Variants in ASB18 observed in about 807,000 individuals in gnomAD.
ASB18 encodes the protein ankyrin repeat and SOCS box protein 18.
ASB18 carries 33 observed loss-of-function variants against 33.4 expected under a neutral mutation model. The ratio of observed to expected loss-of-function variants is 0.99; its 90% CI spans 0.75 to 1.32. The LOEUF (loss-of-function observed/expected upper bound fraction) is 1.32, where lower values mean the gene tolerates loss of function less well. ASB18 is among the 40% of genes most tolerant of loss of function. ASB18 has a pLI of 0.00. For synonymous variants in ASB18, 295 were observed against 307.6 expected, an observed-to-expected ratio of 0.96 and a Z score of 0.43; for missense variants, 694 against 655.5, an observed-to-expected ratio of 1.06 and a Z score of -0.64.
rs2060600554 is a variant in ASB18, at chr2:236,237,602, G to T, written c.596+87C>A. 8.7e-7 allele frequency: 1 copy of T among 1,146,816 alleles called. No individual in the cohort carries two copies. The highest frequency in any genetic ancestry group is 1.6e-5 in the African/African-American group (1 of 60,716). The allele number at this position is 1,146,816 out of a possible 1,614,324, so 71.0% of individuals were successfully genotyped here. On this transcript the variant is annotated intron_variant, in intron 3 of 5. Coordinates refer to ENST00000409749, the MANE Select transcript of ASB18 (RefSeq NM_212556.4). This position sits in a 1 kb window ranked among gnomAD's most constrained non-coding sequence, Gnocchi z 6.2. ...GGAGGCGGGGGCTGGGACGGAGGCGGAGGCGGGGTCGGCGGTCTCGTGGGG... is the reference window on the plus strand; with the variant it reads ...GGAGGCGGGGGCTGGGACGGAGGCGTAGGCGGGGTCGGCGGTCTCGTGGGG...
At chr2:236,261,974 C>A (rs1186380036) in intron 1 of ASB18, among the ~76,000 whole-genome samples, 1 of 152,148 alleles carries the variant, frequency 6.6e-6, no homozygotes, top group Non-Finnish European at 1.5e-5. Flanking sequence ...GGGTCCCTCC[C>A]ACAACACGTG....
At position 236,213,547 on chromosome 2, in the gene ASB18, TG is replaced by T. The variant is rs2060468662; in HGVS notation, c.1101+814del. The T allele has an allele frequency of 6.6e-6, 1 of 152,234 alleles. No homozygotes were observed. 9.4% of individuals were successfully genotyped at this position (152,234 alleles called of 1,614,324 possible). ...ATCTAATGGAATGACTTCCCTTCAA[TG>T]AAGTCTTTTCGGGAGGACAACCTGT... On this transcript the variant is annotated intron_variant, in intron 4 of 5. Transcript: ENST00000409749. The surrounding 1 kb of genome is among the most constrained non-coding windows in gnomAD (Gnocchi z 4.8).
intron 1 of ASB18, among the ~76,000 whole-genome samples, chr2:236,243,600 G>A (rs927320813): frequency 6.6e-6 from 1 of 152,052 alleles, no homozygotes; most frequent in Non-Finnish European, 1.5e-5. Context: ...GACATGATCT[G>A]GGGCCCTGGT....
chr2:236,258,420 G>A (rs982631440), intron 1 of ASB18, among the ~76,000 whole-genome samples: 3 of 152,196 alleles, frequency 2.0e-5, no homozygotes, highest in African/African-American at 7.2e-5. Context: ...GAGAGCTTAG[G>A]CAAGAAACTG....
rs2060450321 is a variant in ASB18, at chr2:236,209,700, A to G, written c.1101+4662T>C. ...TCTCTACGTCGAGCTTAGAAATTCCAAAATACTGATTGGATGATGTCATCT... is the reference window on the plus strand; with the variant it reads ...TCTCTACGTCGAGCTTAGAAATTCCGAAATACTGATTGGATGATGTCATCT... On this transcript the variant is annotated intron_variant, in intron 4 of 5. Transcript: ENST00000409749. This position sits in a 1 kb window ranked among gnomAD's most constrained non-coding sequence, Gnocchi z 4.4. Among the ~76,000 whole-genome samples the G allele has an allele frequency of 6.6e-6, 1 of 152,228 alleles. No homozygotes were observed. The highest frequency in any genetic ancestry group is 1.5e-5 in the Non-Finnish European group (1 of 68,038).
In ASB18 at chr2:236,264,132, T is replaced by G; in HGVS notation, c.205+9A>C. On this transcript the variant is annotated intron_variant, in intron 1 of 5. Transcript: ENST00000409749. This position sits in a 1 kb window ranked among gnomAD's most constrained non-coding sequence, Gnocchi z 5.1. ...TAAATCCCAGATGCAGCAGGCTCGT[T>G]CTGGTTACCTAGCAGCATGCCGGTG... 6.2e-7 allele frequency: 1 copy of G among 1,613,342 alleles called. No homozygotes were observed. The highest frequency in any genetic ancestry group is 8.5e-7 in the Non-Finnish European group (1 of 1,179,642).
At chr2:236,218,797 C>CAAA (rs574423455) in intron 3 of ASB18, among the ~76,000 whole-genome samples, 1 of 91,604 alleles carries the variant, frequency 1.1e-5, no homozygotes, top group Non-Finnish European at 2.4e-5. Flanking sequence ...GACTCCATCT[C>CAAA]AAAAAAAAAA....
rs1189811515 is a variant in ASB18 at position 236,237,025 on chromosome 2, G to A, written c.596+664C>T. Reference sequence around the variant, plus strand: ...CTGGGAGGGCGCTCTCTGGGGACGGGGGCTGCGGGACCCCCAGACCCCGCG... The same window carrying A: ...CTGGGAGGGCGCTCTCTGGGGACGGAGGCTGCGGGACCCCCAGACCCCGCG... On this transcript the variant is annotated intron_variant, in intron 3 of 5. Coordinates refer to ENST00000409749, the MANE Select transcript of ASB18 (RefSeq NM_212556.4). The surrounding 1 kb of genome is among the most constrained non-coding windows in gnomAD (Gnocchi z 6.2). Among the ~76,000 whole-genome samples the A allele has an allele frequency of 1.3e-5, 2 of 152,150 alleles. No individual in the cohort carries two copies. The highest frequency in any genetic ancestry group is 4.8e-5 in the African/African-American group (2 of 41,444).
rs1445943789 is a variant in ASB18, at chr2:236,237,405, GC to G, written c.596+283del. Among the ~76,000 whole-genome samples, 302 of 110,832 alleles carry G rather than the reference GC, an allele frequency of 2.7e-3. 16 individuals are homozygous for G. Among genetic ancestry groups the G allele is most frequent in the African/African-American group, 0.015 (287 of 18,984 alleles). 72.7% of individuals were successfully genotyped at this position (110,832 alleles called of 152,430 possible). ...GCGGGGCGGGGGCCGGGGCCGGGGC[GC>G]GGGGCGGGGGCCGGGGCCGGGGCGC... On this transcript the variant is annotated intron_variant, in intron 3 of 5. Coordinates refer to ENST00000409749, the MANE Select transcript of ASB18 (RefSeq NM_212556.4). This position sits in a 1 kb window ranked among gnomAD's most constrained non-coding sequence, Gnocchi z 6.2.
rs949366925 is a variant in ASB18, at chr2:236,217,300, G to A, written c.597-2434C>T. On this transcript the variant is annotated intron_variant, in intron 3 of 5. Coordinates refer to ENST00000409749, the MANE Select transcript of ASB18 (RefSeq NM_212556.4). The surrounding 1 kb of genome is among the most constrained non-coding windows in gnomAD (Gnocchi z 5.2). ...TGGATGCATGTAATCCCAGCCACTC[G>A]GGAGGCTGAGGCAGGAGAATCACTT... Among the ~76,000 whole-genome samples, 5 of 151,922 alleles carry A rather than the reference G, an allele frequency of 3.3e-5. No individual in the cohort carries two copies. The highest frequency in any genetic ancestry group is 2.0e-4 in the Admixed American group (3 of 15,264).
At position 236,208,631 on chromosome 2, in the gene ASB18, G is replaced by A. The variant is rs758823163; in HGVS notation, c.1101+5731C>T. Among the ~76,000 whole-genome samples the A allele has an allele frequency of 7.4e-5, 11 of 148,562 alleles. No individual in the cohort carries two copies. The highest frequency in any genetic ancestry group is 1.0e-4 in the Non-Finnish European group (7 of 67,188). ...CACCTCCTCCCGCCCCTCCCCCACC[G>A]GGTCACAGACTGTGACAGAGTCTTA... On this transcript the variant is annotated intron_variant, in intron 4 of 5. Transcript: ENST00000409749. This position sits in a 1 kb window ranked among gnomAD's most constrained non-coding sequence, Gnocchi z 7.7.
chr2:236,264,349 T>TA lies in ASB18; in HGVS notation c.-5dup. 1 of 1,613,804 alleles carries TA rather than the reference T, an allele frequency of 6.2e-7. No homozygotes were observed. Among genetic ancestry groups the TA allele is most frequent in the Non-Finnish European group, 8.5e-7 (1 of 1,179,690 alleles). On this transcript the variant is annotated 5_prime_UTR_variant, in exon 1 of 6. Transcript: ENST00000409749. The surrounding 1 kb of genome is among the most constrained non-coding windows in gnomAD (Gnocchi z 5.1). ...GAAGGTAATCCGAGTTGGACATTGTTACGTCGTTTCTGCAGTGACCAGCCC... is the reference window on the plus strand; with the variant it reads ...GAAGGTAATCCGAGTTGGACATTGTTAACGTCGTTTCTGCAGTGACCAGCCC...
rs191595409 is a variant in ASB18 at position 236,199,595 on chromosome 2, A to G, written c.1102-3210T>C. Among the ~76,000 whole-genome samples the G allele has an allele frequency of 2.8e-3, 428 of 151,482 alleles. 2 individuals carry two copies. The highest frequency in any genetic ancestry group is 9.5e-3 in the African/African-American group (392 of 41,342). ...TATTATATATACTAGATCAGGCTAGATCTTCACCGTATCTATTAATAAGCA... is the reference window on the plus strand; with the variant it reads ...TATTATATATACTAGATCAGGCTAGGTCTTCACCGTATCTATTAATAAGCA... On this transcript the variant is annotated intron_variant, in intron 4 of 5. Coordinates refer to ENST00000409749, the MANE Select transcript of ASB18 (RefSeq NM_212556.4).
chr2:236,214,254 G>A lies in ASB18; in HGVS notation c.1101+108C>T. 1 of 1,160,182 alleles carries A rather than the reference G, an allele frequency of 8.6e-7. No homozygotes were observed. The allele number at this position is 1,160,182 out of a possible 1,614,324, so 71.9% of individuals were successfully genotyped here. A position where few individuals can be genotyped will look rare whatever the true frequency, so the allele number is the denominator to read the frequency against. ...TGCATTTTCACAAGTCCCCAGGGGT[G>A]CCTGGGCCATTACACTTTGAGAGCG... On this transcript the variant is annotated intron_variant, in intron 4 of 5. Coordinates refer to ENST00000409749, the MANE Select transcript of ASB18 (RefSeq NM_212556.4). This position sits in a 1 kb window ranked among gnomAD's most constrained non-coding sequence, Gnocchi z 6.5.
chr2:236,259,414 T>A lies in ASB18; in HGVS notation c.205+4727A>T, dbSNP rs2060707959. The A allele has an allele frequency of 2.3e-6, 1 of 427,636 alleles. No homozygotes were observed. The highest frequency in any genetic ancestry group is 2.0e-5 in the African/African-American group (1 of 49,436). 26.5% of individuals were successfully genotyped at this position (427,636 alleles called of 1,614,324 possible). On this transcript the variant is annotated intron_variant, in intron 1 of 5. Transcript: ENST00000409749. This position sits in a 1 kb window ranked among gnomAD's most constrained non-coding sequence, Gnocchi z 4.4. ...GGCCCTAGAAGAGGTGGCATTCAGG[T>A]TTGAATTATCCAGTTGGTATATAAA...
At position 236,214,340 on chromosome 2, in the gene ASB18, G is replaced by T; in HGVS notation, c.1101+22C>A. On this transcript the variant is annotated intron_variant, in intron 4 of 5. Transcript: ENST00000409749. The surrounding 1 kb of genome is among the most constrained non-coding windows in gnomAD (Gnocchi z 6.5). Reference sequence around the variant, plus strand: ...TGGCAAAACTCCAGGGCACGTGCCAGCCGGGCTGGATCCTGCCTTACCTTG... The same window carrying T: ...TGGCAAAACTCCAGGGCACGTGCCATCCGGGCTGGATCCTGCCTTACCTTG... The T allele has an allele frequency of 6.4e-7, 1 of 1,557,446 alleles. No individual in the cohort carries two copies. Among genetic ancestry groups the T allele is most frequent in the Non-Finnish European group, 8.7e-7 (1 of 1,155,172 alleles).
In ASB18 at chr2:236,226,355, G is replaced by A. The variant is rs1439155549; in HGVS notation, c.596+11334C>T. Among the ~76,000 whole-genome samples the A allele has an allele frequency of 3.3e-5, 5 of 152,040 alleles. No homozygotes were observed. The highest frequency in any genetic ancestry group is 2.4e-5 in the African/African-American group (1 of 41,380). ...CCCCCAATAATCTGGATTTAAATAAGTCAAGAGTGTCAAATTAAACAGCCA... is the reference window on the plus strand; with the variant it reads ...CCCCCAATAATCTGGATTTAAATAAATCAAGAGTGTCAAATTAAACAGCCA... On this transcript the variant is annotated intron_variant, in intron 3 of 5. Coordinates refer to ENST00000409749, the MANE Select transcript of ASB18 (RefSeq NM_212556.4). This position sits in a 1 kb window ranked among gnomAD's most constrained non-coding sequence, Gnocchi z 4.8.
At chr2:236,240,432 T>A (rs1169740818) in intron 2 of ASB18, among the ~76,000 whole-genome samples, 1 of 152,246 alleles carries the variant, frequency 6.6e-6, no homozygotes, top group Non-Finnish European at 1.5e-5. Context: ...GTCAGGGACA[T>A]GGGACACTGG....
At position 236,196,084 on chromosome 2, in the gene ASB18, G is replaced by A; in HGVS notation, c.1215+188C>T. The A allele has an allele frequency of 1.6e-6, 1 of 628,866 alleles. No individual in the cohort carries two copies. Among genetic ancestry groups the A allele is most frequent in the Non-Finnish European group, 3.0e-6 (1 of 338,886 alleles). The allele number at this position is 628,866 out of a possible 1,614,324, so 39.0% of individuals were successfully genotyped here. On this transcript the variant is annotated intron_variant, in intron 5 of 5. Coordinates refer to ENST00000409749, the MANE Select transcript of ASB18 (RefSeq NM_212556.4). This position sits in a 1 kb window ranked among gnomAD's most constrained non-coding sequence, Gnocchi z 5.6. ...CATGGCACCGCAACTACTATAACAA[G>A]CTCCTGGCTGTGTGATTATGGAGCC...
Sources: gnomAD v4.1 joint callset for allele counts (sites outside exome capture counted in the v4.1 genomes callset) on GRCh38, gnomAD v4.1.1 for gene constraint, Gnocchi (gnomAD v3.1) non-coding constraint, MANE v1.5 for transcripts, NCBI Gene and HGNC (gene_info 2026-07-23, HGNC 2026-07-21) for gene names.